The following EBF1 variants were observed in gnomAD, a reference collection of about 807,000 sequenced individuals.
EBF1 encodes the protein EBF transcription factor 1.
A neutral mutation model predicts 68.4 loss-of-function variants in EBF1; 10 were observed. The ratio of observed to expected loss-of-function variants is 0.15; its 90% CI spans 0.09 to 0.25. The LOEUF is 0.25. EBF1 is among the 10% of genes least tolerant of loss of function. The pLI, the probability that EBF1 is intolerant of heterozygous loss-of-function variation, is 1.00. For synonymous variants in EBF1, 298 were observed against 299.8 expected, an observed-to-expected ratio of 0.99 and a Z score of 0.06; for missense variants, 509 against 794.4, an observed-to-expected ratio of 0.64 and a Z score of 4.32.
rs548998746 is a variant in EBF1, at chr5:158,885,409, C to T, written c.555-45299G>A. Among the ~76,000 whole-genome samples the T allele has an allele frequency of 1.8e-4, 27 of 152,274 alleles. 1 individual carries two copies. In the South Asian group the frequency reaches 5.4e-3, roughly 30 times the overall value. Reference sequence around the variant, plus strand: ...GGCAAGAAATGTTAAGTCAGTAATGCGGTCAGGAGTTAATGACAGACTAAA... The same window carrying T: ...GGCAAGAAATGTTAAGTCAGTAATGTGGTCAGGAGTTAATGACAGACTAAA... On this transcript the variant is annotated intron_variant, in intron 6 of 15. Coordinates refer to ENST00000313708, the MANE Select transcript of EBF1 (RefSeq NM_024007.5).
At chr5:158,826,355 T>A (rs953757448) in intron 7 of EBF1, among the ~76,000 whole-genome samples, 15 of 152,226 alleles carry the variant, frequency 9.9e-5, no homozygotes, top group African/African-American at 3.4e-4. Flanking sequence ...AAACGACATT[T>A]TAGATTCCCT....
chr5:158,812,078 T>C (rs1413835182), intron 8 of EBF1, among the ~76,000 whole-genome samples: 3 of 152,182 alleles, frequency 2.0e-5, no homozygotes, highest in Non-Finnish European at 4.4e-5. Flanking sequence ...ACATAAATAC[T>C]TACACTCATG....
intron 7 of EBF1, among the ~76,000 whole-genome samples, chr5:158,824,090 C>T (rs1056183092): frequency 6.6e-6 from 1 of 152,176 alleles, no homozygotes; most frequent in African/African-American, 2.4e-5. Context: ...ATGACCTACG[C>T]TTCTCCTTAT....
At position 158,976,929 on chromosome 5, in the gene EBF1, C is replaced by T. The variant is rs187100102; in HGVS notation, c.554+96467G>A. On this transcript the variant is annotated intron_variant, in intron 6 of 15. Coordinates refer to ENST00000313708, the MANE Select transcript of EBF1 (RefSeq NM_024007.5). ...AATGTCAATTTAGGGTGGAAAGTTA[C>T]AGCAGAGCTCTCAGTTCAATTCATT... 2.2e-4 allele frequency among the ~76,000 whole-genome samples: 34 copies of T among 152,318 alleles called. No individual in the cohort carries two copies. The East Asian group carries it at 6.5e-3, about 29-fold the overall frequency.
chr5:158,774,599 C>A (rs1051694884), intron 10 of EBF1, among the ~76,000 whole-genome samples: 1 of 152,072 alleles, frequency 6.6e-6, no homozygotes, highest in Non-Finnish European at 1.5e-5. Context: ...GAAGTGTGAA[C>A]TTCTGTGGGT....
chr5:158,788,236 G>T (rs1178987423), intron 9 of EBF1, among the ~76,000 whole-genome samples: 1 of 152,132 alleles, frequency 6.6e-6, no homozygotes, highest in African/African-American at 2.4e-5. Flanking sequence ...GGCAACATAA[G>T]AATTTAGACA....
intron 9 of EBF1, among the ~76,000 whole-genome samples, chr5:158,783,017 G>C (rs149846854): frequency 1.1e-4 from 16 of 147,738 alleles, no homozygotes; most frequent in Non-Finnish European, 2.1e-4. Flanking sequence ...GAAATGATAA[G>C]ATGAAATGAA....
chr5:158,848,240 T>A (rs1791923067), intron 6 of EBF1, among the ~76,000 whole-genome samples: 1 of 152,178 alleles, frequency 6.6e-6, no homozygotes, highest in Non-Finnish European at 1.5e-5. Context: ...ATAGGCAGTT[T>A]GACTCCAAAG....
intron 6 of EBF1, among the ~76,000 whole-genome samples, chr5:158,903,500 C>T (rs914792604): frequency 6.6e-6 from 1 of 152,062 alleles, no homozygotes; most frequent in African/African-American, 2.4e-5. Context: ...TGCCCTCATG[C>T]TCTGTCCTCC....
At position 158,823,444 on chromosome 5, in the gene EBF1, T is replaced by G. The variant is rs894993378; in HGVS notation, c.637-127A>C. On this transcript the variant is annotated intron_variant, in intron 7 of 15. Coordinates refer to ENST00000313708, the MANE Select transcript of EBF1 (RefSeq NM_024007.5). ...CATAGCTATTTCACATAATAACTGG[T>G]GCTTATGCTGTACAAGTCTAACAAG... The G allele has an allele frequency of 9.2e-6, 8 of 869,968 alleles. No individual in the cohort carries two copies. In the Admixed American group the frequency reaches 2.0e-4, roughly 22 times the overall value. 53.9% of individuals were successfully genotyped at this position (869,968 alleles called of 1,614,324 possible).
In EBF1 at chr5:158,699,091, A is replaced by G. The variant is rs777703532; in HGVS notation, c.*20T>C. 1 of 1,600,848 alleles carries G rather than the reference A, an allele frequency of 6.2e-7. No individual in the cohort carries two copies. The highest frequency in any genetic ancestry group is 8.5e-7 in the Non-Finnish European group (1 of 1,174,294). On this transcript the variant is annotated 3_prime_UTR_variant, in exon 16 of 16. Coordinates refer to ENST00000313708, the MANE Select transcript of EBF1 (RefSeq NM_024007.5). ...CAGAATCCAACCTCTTCATTAATAC[A>G]ATTCTTCAAGGCAATTCTTTCACAT... is the stretch of plus-strand genomic sequence containing the variant.
intron 9 of EBF1, among the ~76,000 whole-genome samples, chr5:158,778,505 C>T (rs1775763037): frequency 1.3e-5 from 2 of 152,090 alleles, no homozygotes. Context: ...ATACAGTATA[C>T]ATGAGTTTAA....
At position 159,084,655 on chromosome 5, in the gene EBF1, A is replaced by T. The variant is rs1340079343; in HGVS notation, c.485+11T>A. 6.4e-7 allele frequency: 1 copy of T among 1,558,246 alleles called. No homozygotes were observed. Among genetic ancestry groups the T allele is most frequent in the Non-Finnish European group, 8.7e-7 (1 of 1,150,174 alleles). ...TTGCTAATTAACGGGAGAGACCAAG[A>T]TATTTCTTACCTGCACATGATCTCA... On this transcript the variant is annotated intron_variant, in intron 5 of 15. Coordinates refer to ENST00000313708, the MANE Select transcript of EBF1 (RefSeq NM_024007.5).
chr5:158,809,601 C>G (rs1186505353), intron 8 of EBF1, among the ~76,000 whole-genome samples: 2 of 152,132 alleles, frequency 1.3e-5, no homozygotes, highest in Non-Finnish European at 2.9e-5. Context: ...ACAGTAAAAT[C>G]TCTCTCCACC....
chr5:159,017,363 CA>C (rs201604100), intron 6 of EBF1, among the ~76,000 whole-genome samples: 2,525 of 152,304 alleles, frequency 0.017, 31 homozygotes, highest in East Asian at 0.053. Flanking sequence ...TGGCTTCTAT[CA>C]AAAAATCATA....
At chr5:158,911,057 C>T (rs1306187514) in intron 6 of EBF1, among the ~76,000 whole-genome samples, 2 of 152,130 alleles carry the variant, frequency 1.3e-5, no homozygotes, top group Non-Finnish European at 1.5e-5. Context: ...GAATTTCCTT[C>T]CCCATGTACC....
chr5:159,046,372 G>A (rs976875732), intron 6 of EBF1, among the ~76,000 whole-genome samples: 1 of 152,156 alleles, frequency 6.6e-6, no homozygotes, highest in Non-Finnish European at 1.5e-5. Flanking sequence ...GTGAATTTTA[G>A]CTATTCCCAT....
At chr5:159,011,422 G>A (rs537277426) in intron 6 of EBF1, among the ~76,000 whole-genome samples, 196 of 152,278 alleles carry the variant, frequency 1.3e-3, no homozygotes, top group African/African-American at 4.5e-3. Context: ...TCAACTGCCC[G>A]AGTTGTTTTG....
intron 10 of EBF1, among the ~76,000 whole-genome samples, chr5:158,748,710 G>A (rs75471848): frequency 0.029 from 4,371 of 152,228 alleles, 215 homozygotes; most frequent in African/African-American, 0.098. Flanking sequence ...CAGTAAGAGC[G>A]TCAAATAATG....
Sources: allele counts gnomAD v4.1 joint callset (sites outside exome capture counted in the v4.1 genomes callset), GRCh38; gene constraint gnomAD v4.1.1; transcripts MANE v1.5; gene names NCBI Gene and HGNC (gene_info 2026-07-23, HGNC 2026-07-21).